Variants in HNRNPUL1 observed in about 807,000 individuals in gnomAD.
HNRNPUL1 encodes the protein heterogeneous nuclear ribonucleoprotein U-like protein 1.
Under a neutral mutation model 108.5 loss-of-function variants are expected in HNRNPUL1, and 14 were observed. The ratio of observed to expected loss-of-function variants is 0.13; its 90% CI spans 0.09 to 0.20. The LOEUF (loss-of-function observed/expected upper bound fraction) is 0.20. HNRNPUL1 is among the 10% of genes least tolerant of loss of function. The probability of loss-of-function intolerance (pLI) is 1.00; values close to 1 mark genes in which losing one functional copy is unlikely to be tolerated. For synonymous variants in HNRNPUL1, 422 were observed against 445.2 expected, an observed-to-expected ratio of 0.95 and a Z score of 0.66; for missense variants, 804 against 1,168.3, an observed-to-expected ratio of 0.69 and a Z score of 4.55.
chr19:41,269,780 C>T lies in HNRNPUL1; in HGVS notation c.418+1435C>T, dbSNP rs140636658. Among the ~76,000 whole-genome samples the T allele has an allele frequency of 6.5e-4, 99 of 152,172 alleles. 1 individual carries two copies. Among genetic ancestry groups the T allele is most frequent in the African/African-American group, 2.3e-3 (95 of 41,522 alleles). Reference sequence around the variant, plus strand: ...ATCGTGCACGGCACTGCAGCCTGGGCGACAGGAAGACCTTGCCTTAAAAAT... The same window carrying T: ...ATCGTGCACGGCACTGCAGCCTGGGTGACAGGAAGACCTTGCCTTAAAAAT... On this transcript the variant is annotated intron_variant, in intron 2 of 14. Transcript: ENST00000392006.
rs1238960775 is a variant in HNRNPUL1, at chr19:41,305,587, T to G, written c.2263-89T>G. ...GAAGGGCCCCTGTGGGCCAACCACTTAAAAAGGCCCTTTTTCCATCCCAGC... is the reference window on the plus strand; with the variant it reads ...GAAGGGCCCCTGTGGGCCAACCACTGAAAAAGGCCCTTTTTCCATCCCAGC... On this transcript the variant is annotated intron_variant, in intron 13 of 14. Coordinates refer to ENST00000392006, the MANE Select transcript of HNRNPUL1 (RefSeq NM_007040.6). 1.9e-6 allele frequency: 3 copies of G among 1,547,218 alleles called. No homozygotes were observed. In the East Asian group the frequency reaches 6.7e-5, roughly 35 times the overall value.
chr19:41,283,861 G>A (rs2036052399), intron 7 of HNRNPUL1, among the ~76,000 whole-genome samples: 2 of 152,186 alleles, frequency 1.3e-5, no homozygotes, highest in Admixed American at 6.5e-5. Flanking sequence ...CGAAAGTCCT[G>A]GGATTACAGG....
chr19:41,284,388 G>A (rs979691189), intron 7 of HNRNPUL1, among the ~76,000 whole-genome samples: 4 of 152,198 alleles, frequency 2.6e-5, no homozygotes, highest in African/African-American at 4.8e-5. Context: ...ATGCAAGGCC[G>A]GACACTGTGA....
intron 6 of HNRNPUL1, among the ~76,000 whole-genome samples, chr19:41,279,992 T>G (rs1275558123): frequency 6.6e-6 from 1 of 152,220 alleles, no homozygotes; most frequent in Non-Finnish European, 1.5e-5. Context: ...AATTTTCCAT[T>G]TTATAGTTGC....
At chr19:41,302,098 A>C (rs566313235) in intron 11 of HNRNPUL1, among the ~76,000 whole-genome samples, 1 of 151,256 alleles carries the variant, frequency 6.6e-6, no homozygotes, top group Admixed American at 6.6e-5. Flanking sequence ...GGAGCTGTGC[A>C]CTGTGTCTAG....
intron 2 of HNRNPUL1, among the ~76,000 whole-genome samples, chr19:41,268,927 C>G (rs1353525639): frequency 6.6e-6 from 1 of 151,856 alleles, no homozygotes; most frequent in East Asian, 1.9e-4. Context: ...ATACTTGAAT[C>G]TTATTTAGAA....
At chr19:41,283,193 T>C (rs534999648) in intron 7 of HNRNPUL1, among the ~76,000 whole-genome samples, 3 of 152,348 alleles carry the variant, frequency 2.0e-5, no homozygotes, top group South Asian at 4.1e-4. Flanking sequence ...TTAAAACTTA[T>C]CAAAACTTGT....
At position 41,268,242 on chromosome 19, in the gene HNRNPUL1, C is replaced by T. The variant is rs200227212; in HGVS notation, c.315C>T (p.Thr105=). 6.2e-7 allele frequency: 1 copy of T among 1,613,540 alleles called. No individual in the cohort carries two copies. ...TTTAAGATGCCATGGACAATATTAC[C>T]AGGCAGAACCAATTCTACGATACCC... ...PDGHYAMDNI[T]RQNQFYDTQV... is the part of the protein sequence containing the mutation. Residue 105 remains threonine (T), a synonymous_variant, in exon 2 of 15, where the codon ACC becomes ACT. Transcript: ENST00000392006.
Position 41,292,328 on chromosome 19 carries a change from A to G in HNRNPUL1, c.1083A>G (p.Glu361=). Residue 361 remains glutamate (E), a synonymous_variant, in exon 8 of 15, where the codon GAA becomes GAG. Transcript: ENST00000392006. The surrounding 1 kb of genome is among the most constrained non-coding windows in gnomAD (Gnocchi z 4.1). The part of the protein sequence containing the change: ...WMGIAFRIQK[E]ALGGQALYPH... ...GCATTGCTTTCCGAATCCAGAAGGA[A>G]GCCTTGGGGGGTCAGGCCCTCTATC... 1 of 1,614,232 alleles carries G rather than the reference A, an allele frequency of 6.2e-7. No individual in the cohort carries two copies. Among genetic ancestry groups the G allele is most frequent in the South Asian group, 1.1e-5 (1 of 91,092 alleles).
At chr19:41,268,832 A>G (rs2035024155) in intron 2 of HNRNPUL1, among the ~76,000 whole-genome samples, 1 of 152,052 alleles carries the variant, frequency 6.6e-6, no homozygotes, top group Non-Finnish European at 1.5e-5. Context: ...CACTTCACTC[A>G]GTCTGGGCAA....
intron 10 of HNRNPUL1, among the ~76,000 whole-genome samples, chr19:41,301,086 T>A (rs1568457907): frequency 6.6e-6 from 1 of 152,136 alleles, no homozygotes; most frequent in East Asian, 1.9e-4. Context: ...TGTAAAAAAA[T>A]CACATAGATA....
At chr19:41,270,959 A>G (rs2035198703) in intron 2 of HNRNPUL1, among the ~76,000 whole-genome samples, 1 of 152,166 alleles carries the variant, frequency 6.6e-6, no homozygotes, top group Non-Finnish European at 1.5e-5. Flanking sequence ...GCTACAACCT[A>G]GCATACTTGC....
intron 5 of HNRNPUL1, 120 bp downstream of exon 5, chr19:41,276,418 C>A: frequency 2.8e-6 from 3 of 1,086,088 alleles, no homozygotes; most frequent in South Asian, 1.8e-5. Context: ...AATACCATGT[C>A]CAAGCAGACA....
At chr19:41,275,348 A>C (rs1044093652) in intron 4 of HNRNPUL1, among the ~76,000 whole-genome samples, 1 of 152,144 alleles carries the variant, frequency 6.6e-6, no homozygotes, top group African/African-American at 2.4e-5. Context: ...TCACCCTGGC[A>C]TGGTGGCATA....
chr19:41,263,409 G>T (rs1043181322), upstream of HNRNPUL1, among the ~76,000 whole-genome samples: 1 of 152,124 alleles, frequency 6.6e-6, no homozygotes, highest in African/African-American at 2.4e-5. Flanking sequence ...TCGGGAGAGC[G>T]GTCGGTGAAC....
chr19:41,287,709 G>A (rs914676590), intron 7 of HNRNPUL1, among the ~76,000 whole-genome samples: 4 of 151,976 alleles, frequency 2.6e-5, no homozygotes, highest in African/African-American at 7.2e-5. Flanking sequence ...ACAGGTACGC[G>A]CCACCACACC....
intron 10 of HNRNPUL1, among the ~76,000 whole-genome samples, chr19:41,295,831 G>T (rs977898221): frequency 6.6e-6 from 1 of 152,206 alleles, no homozygotes; most frequent in Non-Finnish European, 1.5e-5. Context: ...AGACCGAGTT[G>T]CCTTCACATA....
chr19:41,300,800 AC>A (rs1230471551), intron 10 of HNRNPUL1, among the ~76,000 whole-genome samples: 1 of 152,248 alleles, frequency 6.6e-6, no homozygotes, highest in East Asian at 1.9e-4. Context: ...GCAAAACTGC[AC>A]TTGCGAAAAG....
At chr19:41,282,913 C>G (rs981603465) in intron 7 of HNRNPUL1, among the ~76,000 whole-genome samples, 1 of 151,514 alleles carries the variant, frequency 6.6e-6, no homozygotes, top group Non-Finnish European at 1.5e-5. Context: ...CCGGGATGGT[C>G]TCGATCTCCT....
Sources: allele counts gnomAD v4.1 joint callset (sites outside exome capture counted in the v4.1 genomes callset), GRCh38; gene constraint gnomAD v4.1.1; non-coding constraint Gnocchi (gnomAD v3.1); transcripts MANE v1.5; gene names NCBI Gene and HGNC (gene_info 2026-07-23, HGNC 2026-07-21).